Variants in CASP8 observed in about 807,000 individuals in gnomAD.
The protein encoded by CASP8 is caspase-8.
In CASP8, 24 loss-of-function variants were observed where a neutral mutation model predicts 46.3. The observed-to-expected ratio is 0.52, with a 90% confidence interval of 0.38 to 0.73. The LOEUF (loss-of-function observed/expected upper bound fraction) is 0.73, where lower values mean the gene tolerates loss of function less well. Ranked by LOEUF, CASP8 falls within the 30% of genes least tolerant of loss-of-function variation. The pLI is 0.00. For missense variants in CASP8, 460 were observed against 559.0 expected (o/e 0.82, Z 1.79); for synonymous variants, 188 against 200.4 (o/e 0.94, Z 0.52).
chr2:201,238,811 A>G (rs914549311), intron 2 of CASP8, among the ~76,000 whole-genome samples: 9 of 151,872 alleles, frequency 5.9e-5, no homozygotes, highest in East Asian at 1.9e-4. Flanking sequence ...GGTGTTTCTC[A>G]CAGAGGAGGA....
intron 2 of CASP8, among the ~76,000 whole-genome samples, chr2:201,270,134 A>G (rs567835129): frequency 2.0e-5 from 3 of 152,324 alleles, no homozygotes; most frequent in Admixed American, 2.0e-4. Flanking sequence ...TAGTATTGAA[A>G]GGTTTGCTGA....
chr2:201,286,104 G>A (rs536264520), intron 8 of CASP8, among the ~76,000 whole-genome samples: 2 of 152,206 alleles, frequency 1.3e-5, no homozygotes, highest in Non-Finnish European at 2.9e-5. Context: ...CCGCAGATGC[G>A]ATGTCAATTC....
Position 201,281,933 on chromosome 2 carries a change from C to CTTTTTTTTTTTTTTTT in CASP8, c.803-2876_803-2861dup, listed in dbSNP as rs540286536. 48 of 262,192 alleles carry CTTTTTTTTTTTTTTTT rather than the reference C, an allele frequency of 1.8e-4. 2 individuals carry two copies. The East Asian group carries it at 2.6e-3, about 14-fold the overall frequency. 16.2% of individuals were successfully genotyped at this position (262,192 alleles called of 1,614,324 possible). On this transcript the variant is annotated intron_variant, in intron 7 of 8. Transcript: ENST00000673742. Reference sequence around the variant, plus strand: ...TGCTCTTGAATTTCTGGTTCAAATTCTTTTTTTTTTTTTTTTTTTTTTATT... The same window carrying CTTTTTTTTTTTTTTTT: ...TGCTCTTGAATTTCTGGTTCAAATTCTTTTTTTTTTTTTTTTTTTTTTTTTTTTTTTTTTTTTTATT...
intron 2 of CASP8, chr2:201,242,642 G>T (rs1946349711): frequency 6.6e-6 from 1 of 152,062 alleles, no homozygotes; most frequent in African/African-American, 2.4e-5. Context: ...CAAATTTGGT[G>T]TGATCTCTAT....
intron 2 of CASP8, chr2:201,269,690 A>G (rs1948108610): frequency 6.8e-6 from 6 of 885,810 alleles, no homozygotes; most frequent in South Asian, 5.6e-5. Flanking sequence ...GTTCATTATC[A>G]TTGAATACTA....
upstream of CASP8, among the ~76,000 whole-genome samples, chr2:201,256,135 A>C (rs929716194): frequency 6.6e-6 from 1 of 152,232 alleles, no homozygotes; most frequent in Admixed American, 6.5e-5. Context: ...AGTTTTGCTC[A>C]GATAGGAGTT....
intron 2 of CASP8, among the ~76,000 whole-genome samples, chr2:201,248,732 A>G (rs1946643302): frequency 6.6e-6 from 1 of 151,598 alleles, no homozygotes. Flanking sequence ...CTGCCTCTTC[A>G]CTCTCTTAAT....
chr2:201,269,498 G>T, intron 2 of CASP8: 4 of 1,603,730 alleles, frequency 2.5e-6, no homozygotes, highest in Non-Finnish European at 3.4e-6. Flanking sequence ...CCACCATCTT[G>T]GTCCTTTGAA....
chr2:201,285,307 C>T lies in CASP8; in HGVS notation c.1294C>T (p.Arg432Ter), dbSNP rs931648756. 2 of 1,613,376 alleles carry T rather than the reference C, an allele frequency of 1.2e-6. No homozygotes were observed. The highest frequency in any genetic ancestry group is 1.7e-5 in the Admixed American group (1 of 60,028). Reference sequence around the variant, plus strand: ...GTCACTTTGCCAGAGCCTGAGAGAGCGATGTCCTCGGTAAGTTTTGCCTAC... The same window carrying T: ...GTCACTTTGCCAGAGCCTGAGAGAGTGATGTCCTCGGTAAGTTTTGCCTAC... ...IQSLCQSLRE[R>*]CPRGDDILTI... The change falls in exon 8 of 9, where the codon CGA becomes TGA. Residue 432 changes from arginine (R) to a stop codon, truncating the protein, a stop_gained. Transcript: ENST00000673742. LOFTEE classifies it high-confidence loss of function.
rs13425383 is a variant in CASP8, at chr2:201,286,693, G to A, written c.*99G>A. 0.023 allele frequency: 24,171 copies of A among 1,030,530 alleles called. 1,534 individuals are homozygous for A. The highest frequency in any genetic ancestry group is 0.17 in the African/African-American group (10,632 of 62,586). 63.8% of individuals were successfully genotyped at this position (1,030,530 alleles called of 1,614,324 possible). On this transcript the variant is annotated 3_prime_UTR_variant, in exon 9 of 9. Coordinates refer to ENST00000673742, the MANE Select transcript of CASP8 (RefSeq NM_001372051.1). ...TGCAGTGGCGTGATCTCGGCTCACC[G>A]CAAGCTCCGCCTCCCGGGTTCAGGC...
chr2:201,261,998 A>G (rs1412311105), intron 1 of CASP8: 2 of 152,130 alleles, frequency 1.3e-5, no homozygotes, highest in Admixed American at 6.5e-5. Flanking sequence ...CCCCTCTCCT[A>G]TAGTGGATTT....
chr2:201,241,641 A>G (rs1042287703), intron 2 of CASP8: 1 of 152,260 alleles, frequency 6.6e-6, no homozygotes, highest in African/African-American at 2.4e-5. Flanking sequence ...AATTAATGCC[A>G]GTTCTTCTTA....
chr2:201,252,509 C>T (rs1315679806), intron 2 of CASP8, among the ~76,000 whole-genome samples: 1 of 152,170 alleles, frequency 6.6e-6, no homozygotes, highest in Non-Finnish European at 1.5e-5. Flanking sequence ...CACTTGACCT[C>T]GTGATCCACC....
chr2:201,258,282 C>A, upstream of CASP8: 1 of 1,614,038 alleles, frequency 6.2e-7, no homozygotes, highest in African/African-American at 1.3e-5. Flanking sequence ...AAAGAAACTT[C>A]TTCCTGGGAG....
intron 2 of CASP8, among the ~76,000 whole-genome samples, chr2:201,244,414 A>G (rs1167116648): frequency 6.6e-6 from 1 of 152,134 alleles, no homozygotes; most frequent in Non-Finnish European, 1.5e-5. Flanking sequence ...TTAGATTCCC[A>G]CTTCTCCCTC....
chr2:201,264,014 A>T (rs946832566), intron 1 of CASP8, among the ~76,000 whole-genome samples: 3 of 152,222 alleles, frequency 2.0e-5, no homozygotes, highest in Non-Finnish European at 4.4e-5. Context: ...TTTCTTTAAC[A>T]TTACTGAAGG....
chr2:201,248,298 TGCAGGAAG>T (rs1365613824), intron 2 of CASP8, among the ~76,000 whole-genome samples: 1 of 152,100 alleles, frequency 6.6e-6, no homozygotes, highest in Non-Finnish European at 1.5e-5. Flanking sequence ...TGTAGCTGGT[TGCAGGAAG>T]GCCCCAGCAG....
At chr2:201,262,293 A>T (rs1947476677) in intron 1 of CASP8, 1 of 152,088 alleles carries the variant, frequency 6.6e-6, no homozygotes, top group African/African-American at 2.4e-5. Flanking sequence ...TTTTAGTGAA[A>T]TGAGGTTAAA....
At chr2:201,283,405 A>C (rs1438691393) in intron 7 of CASP8, among the ~76,000 whole-genome samples, 9 of 22,712 alleles carry the variant, frequency 4.0e-4, no homozygotes, top group South Asian at 2.8e-3. Context: ...CTGACCCCCC[A>C]CCTCCCTCCC....
Sources: gnomAD v4.1 joint callset for allele counts (sites outside exome capture counted in the v4.1 genomes callset) on GRCh38, gnomAD v4.1.1 for gene constraint, MANE v1.5 for transcripts, NCBI Gene and HGNC (gene_info 2026-07-23, HGNC 2026-07-21) for gene names.